Variants in TBC1D8 observed in about 807,000 individuals in gnomAD.
TBC1D8 encodes the protein BUB2-like protein 1.
TBC1D8 carries 65 observed loss-of-function variants against 118.8 expected under a neutral mutation model. The observed-to-expected ratio is 0.55, with a 90% CI of 0.45 to 0.67. The LOEUF is 0.67. Among genes scored for constraint, TBC1D8 ranks in the 30% least tolerant of loss-of-function variants. The probability of loss-of-function intolerance (pLI) is 0.00; values close to 1 mark genes in which losing one functional copy is unlikely to be tolerated. For missense variants in TBC1D8, 1,376 were observed against 1,471.2 expected (o/e 0.94, Z 1.06); for synonymous variants, 566 against 595.8 (o/e 0.95, Z 0.73).
intron 2 of TBC1D8, among the ~76,000 whole-genome samples, chr2:101,077,334 G>A (rs1354567418): frequency 6.8e-6 from 1 of 148,014 alleles, no homozygotes; most frequent in Non-Finnish European, 1.5e-5. Flanking sequence ...TGCAACCTCC[G>A]CCTCCCGGGT....
At chr2:101,030,808 G>A (rs928706799) in intron 11 of TBC1D8, among the ~76,000 whole-genome samples, 1 of 152,224 alleles carries the variant, frequency 6.6e-6, no homozygotes, top group African/African-American at 2.4e-5. Flanking sequence ...CAACAAAGAG[G>A]AGCAAGCTCT....
Position 101,090,384 on chromosome 2 carries a change from A to G in TBC1D8, c.128-20T>C. The G allele has an allele frequency of 1.2e-6, 2 of 1,613,410 alleles. No homozygotes were observed. Among genetic ancestry groups the G allele is most frequent in the Admixed American group, 3.3e-5 (2 of 59,966 alleles). On this transcript the variant is annotated intron_variant, in intron 1 of 19. Transcript: ENST00000409318. ...GGCGACCTTCAAAAGAAAAGAGAAG[A>G]AAGTGCACCTGTGAGCATGGGGCTG...
chr2:101,023,126 C>G (rs1032313109), intron 15 of TBC1D8, among the ~76,000 whole-genome samples: 1 of 144,924 alleles, frequency 6.9e-6, no homozygotes, highest in East Asian at 2.1e-4. Flanking sequence ...GCCTGGGCAA[C>G]AGAGCGTTTT....
chr2:101,076,751 T>A (rs1267682852), intron 2 of TBC1D8, among the ~76,000 whole-genome samples: 1 of 152,256 alleles, frequency 6.6e-6, no homozygotes, highest in Non-Finnish European at 1.5e-5. Flanking sequence ...CCAATCCTTA[T>A]CTTGCCTTTA....
At chr2:101,011,348 G>T in intron 18 of TBC1D8, 103 bp downstream of exon 18, 1 of 1,187,852 alleles carries the variant, frequency 8.4e-7, no homozygotes, top group Non-Finnish European at 1.2e-6. Flanking sequence ...TGGACGAAGG[G>T]AAAAGACAAG....
chr2:101,074,905 C>T (rs1674711546), intron 2 of TBC1D8, among the ~76,000 whole-genome samples: 1 of 152,172 alleles, frequency 6.6e-6, no homozygotes, highest in African/African-American at 2.4e-5. Flanking sequence ...TAACAATGAG[C>T]ACCCCTACAG....
chr2:101,151,354 A>T lies in TBC1D8; in HGVS notation c.-101T>A. 1 of 1,050,148 alleles carries T rather than the reference A, an allele frequency of 9.5e-7. No homozygotes were observed. Among genetic ancestry groups the T allele is most frequent in the Non-Finnish European group, 1.2e-6 (1 of 855,620 alleles). The allele number at this position is 1,050,148 out of a possible 1,614,324, so 65.1% of individuals were successfully genotyped here. ...CGAGAGGCGACGGCGGCGCGCGGGG[A>T]CCACAGCCCGGCCGGTGCCCAGCGC... is the stretch of plus-strand genomic sequence containing the variant. On this transcript the variant is annotated 5_prime_UTR_variant, in exon 1 of 20. Transcript: ENST00000409318.
At position 101,047,690 on chromosome 2, in the gene TBC1D8, C is replaced by T. The variant is rs962338978; in HGVS notation, c.872+2711G>A. On this transcript the variant is annotated intron_variant, in intron 5 of 19. Transcript: ENST00000409318. ...GCCTGCAGCCCCATCACAGGGCCAGCCCCACGCACCTGCAGGCACCCTGGC... is the reference window on the plus strand; with the variant it reads ...GCCTGCAGCCCCATCACAGGGCCAGTCCCACGCACCTGCAGGCACCCTGGC... Among the ~76,000 whole-genome samples the T allele has an allele frequency of 2.6e-5, 4 of 152,336 alleles. No individual in the cohort carries two copies. The East Asian group carries it at 7.7e-4, about 29-fold the overall frequency.
intron 17 of TBC1D8, 26 bp from the exon 18 acceptor site, chr2:101,011,566 TTAAAC>T (rs772614812): frequency 7.1e-5 from 115 of 1,612,468 alleles, no homozygotes; most frequent in Non-Finnish European, 8.7e-5. Context: ...GAGGTTTAAA[TTAAAC>T]AAATTTTCTG....
intron 2 of TBC1D8, among the ~76,000 whole-genome samples, chr2:101,063,139 C>T (rs1333707353): frequency 1.3e-5 from 2 of 152,288 alleles, no homozygotes; most frequent in Middle Eastern, 6.8e-3. Flanking sequence ...GGGGCTAACA[C>T]CGTTAACTGA....
chr2:101,112,660 T>C (rs1428255956), intron 1 of TBC1D8, among the ~76,000 whole-genome samples: 1 of 152,208 alleles, frequency 6.6e-6, no homozygotes, highest in Non-Finnish European at 1.5e-5. Context: ...AGGCCATGAA[T>C]GGAGGCCTGA....
At chr2:101,099,849 A>G (rs1558701455) in intron 1 of TBC1D8, among the ~76,000 whole-genome samples, 2 of 152,222 alleles carry the variant, frequency 1.3e-5, no homozygotes, top group Non-Finnish European at 2.9e-5. Flanking sequence ...CTAGGTATTG[A>G]TGGAACATAA....
In TBC1D8 at chr2:101,059,420, C is replaced by A; in HGVS notation, c.402+1G>T. On this transcript the variant is annotated splice_donor_variant, in intron 3 of 19. Transcript: ENST00000409318. LOFTEE classifies it high-confidence loss of function. ...AGAAACATGAAACTCAGGGGACCTA[C>A]CTTTACCTTCCCTTTGACAAAACTG... 1 of 1,610,622 alleles carries A rather than the reference C, an allele frequency of 6.2e-7. No individual in the cohort carries two copies. Among genetic ancestry groups the A allele is most frequent in the Non-Finnish European group, 8.5e-7 (1 of 1,176,954 alleles).
chr2:101,016,264 G>T (rs1254801130), intron 17 of TBC1D8, among the ~76,000 whole-genome samples: 1 of 152,124 alleles, frequency 6.6e-6, no homozygotes, highest in Non-Finnish European at 1.5e-5. Flanking sequence ...GTAGGCAAAG[G>T]ATATGAACAG....
intron 3 of TBC1D8, among the ~76,000 whole-genome samples, chr2:101,058,475 G>A (rs1052250187): frequency 2.0e-5 from 3 of 152,182 alleles, no homozygotes; most frequent in African/African-American, 7.2e-5. Context: ...AGTATTTAAT[G>A]AGAGAGTTAA....
At position 101,021,759 on chromosome 2, in the gene TBC1D8, TAA is replaced by T; in HGVS notation, c.2762-15_2762-14del. ...TTATACATAATATCTGCAAAAAGTT[TAA>T]AAAGAGTGAGTTGATGCCAATGCTG... On this transcript the variant is annotated splice_polypyrimidine_tract_variant and intron_variant, in intron 16 of 19. Coordinates refer to ENST00000409318, the MANE Select transcript of TBC1D8 (RefSeq NM_001330348.2). 1 of 1,506,730 alleles carries T rather than the reference TAA, an allele frequency of 6.6e-7. No individual in the cohort carries two copies. Among genetic ancestry groups the T allele is most frequent in the Non-Finnish European group, 9.1e-7 (1 of 1,099,190 alleles). The allele number at this position is 1,506,730 out of a possible 1,614,324, so 93.3% of individuals were successfully genotyped here.
intron 1 of TBC1D8, among the ~76,000 whole-genome samples, chr2:101,130,633 A>G (rs979806552): frequency 1.3e-5 from 2 of 152,252 alleles, no homozygotes; most frequent in Non-Finnish European, 2.9e-5. Context: ...TTTTAATGAA[A>G]TAAGTTTAAA....
intron 2 of TBC1D8, among the ~76,000 whole-genome samples, chr2:101,061,864 C>G (rs1281217066): frequency 6.6e-6 from 1 of 152,210 alleles, no homozygotes; most frequent in African/African-American, 2.4e-5. Context: ...ATCAGGAAAG[C>G]TTATTTTAAA....
At chr2:101,106,395 C>A (rs997643272) in intron 1 of TBC1D8, among the ~76,000 whole-genome samples, 1 of 152,178 alleles carries the variant, frequency 6.6e-6, no homozygotes, top group East Asian at 1.9e-4. Flanking sequence ...TCAGGGACCC[C>A]TGGATTTAAT....
Sources: gnomAD v4.1 joint callset for allele counts (sites outside exome capture counted in the v4.1 genomes callset) on GRCh38, gnomAD v4.1.1 for gene constraint, MANE v1.5 for transcripts, NCBI Gene and HGNC (gene_info 2026-07-23, HGNC 2026-07-21) for gene names.